ABCG1: variants seen among roughly 807,000 people sequenced by gnomAD.
The protein encoded by ABCG1 is ATP-binding cassette sub-family G member 1.
ABCG1 carries 29 observed loss-of-function variants against 69.2 expected under a neutral mutation model. That is an observed-to-expected ratio of 0.42 (90% CI 0.31 to 0.57). The LOEUF (loss-of-function observed/expected upper bound fraction) is 0.57, where lower values mean the gene tolerates loss of function less well. ABCG1 is among the 20% of genes least tolerant of loss of function. The pLI, the probability that ABCG1 is intolerant of heterozygous loss-of-function variation, is 0.15. For synonymous variants in ABCG1, 370 were observed against 374.8 expected, an observed-to-expected ratio of 0.99 and a Z score of 0.15; for missense variants, 718 against 898.1, an observed-to-expected ratio of 0.80 and a Z score of 2.56.
chr21:42,218,133 T>C (rs1324560089), upstream of ABCG1, among the ~76,000 whole-genome samples: 1 of 152,170 alleles, frequency 6.6e-6, no homozygotes, highest in Non-Finnish European at 1.5e-5. Context: ...CTGTGCCTCC[T>C]TTCTAGGTGA....
At chr21:42,208,684 G>A (rs1431904168) in intron 2 of ABCG1, among the ~76,000 whole-genome samples, 2 of 152,190 alleles carry the variant, frequency 1.3e-5, no homozygotes, top group African/African-American at 2.4e-5. Context: ...ACCTCAGGGA[G>A]CCTCCATTTT....
rs2067691088 is a variant in ABCG1, at chr21:42,219,753, G to A, written c.42+449G>A. 3.0e-6 allele frequency: 4 copies of A among 1,350,834 alleles called. No individual in the cohort carries two copies. The highest frequency in any genetic ancestry group is 3.0e-5 in the Admixed American group (1 of 32,934). 83.7% of individuals were successfully genotyped at this position (1,350,834 alleles called of 1,614,324 possible). A position where few individuals can be genotyped will look rare whatever the true frequency, so the allele number is the denominator to read the frequency against. On this transcript the variant is annotated intron_variant, in intron 1 of 14. Transcript: ENST00000398449. This position sits in a 1 kb window ranked among gnomAD's most constrained non-coding sequence, Gnocchi z 5.3. ...TGGGCTTGGGGACCGGGGACTTCTC[G>A]CGCCATCCCCAGGAACGCCAGGCAA...
At chr21:42,221,737 G>C (rs866077290) in intron 1 of ABCG1, among the ~76,000 whole-genome samples, 6 of 152,336 alleles carry the variant, frequency 3.9e-5, no homozygotes, top group African/African-American at 1.4e-4. Flanking sequence ...AGAGAAGACA[G>C]ACAGCTGCGT....
rs2068706840 is a variant in ABCG1, at chr21:42,276,187, T to C, written c.538-708T>C. ...GCCCGTCCTGTGCATGGTGATCTACTCTGGGTTTTCCCAAGCAGGGCCAGG... is the reference window on the plus strand; with the variant it reads ...GCCCGTCCTGTGCATGGTGATCTACCCTGGGTTTTCCCAAGCAGGGCCAGG... On this transcript the variant is annotated intron_variant, in intron 4 of 14. Coordinates refer to ENST00000398449, the MANE Select transcript of ABCG1 (RefSeq NM_016818.3). The surrounding 1 kb of genome is among the most constrained non-coding windows in gnomAD (Gnocchi z 5.3). Among the ~76,000 whole-genome samples, 1 of 152,116 alleles carries C rather than the reference T, an allele frequency of 6.6e-6. No homozygotes were observed. The highest frequency in any genetic ancestry group is 1.5e-5 in the Non-Finnish European group (1 of 68,040).
chr21:42,248,202 T>C (rs1303168022), intron 2 of ABCG1, among the ~76,000 whole-genome samples: 3 of 152,208 alleles, frequency 2.0e-5, no homozygotes, highest in Non-Finnish European at 4.4e-5. Context: ...ATGATCTCCG[T>C]CGTCATCTGA....
Position 42,219,681 on chromosome 21 carries a change from G to A in ABCG1, c.42+377G>A. 5 of 744,788 alleles carry A rather than the reference G, an allele frequency of 6.7e-6. No homozygotes were observed. The highest frequency in any genetic ancestry group is 1.0e-5 in the Non-Finnish European group (5 of 487,666). The allele number at this position is 744,788 out of a possible 1,614,324, so 46.1% of individuals were successfully genotyped here. ...CTGGGGAGGGGCCGCAGCTTGGGCC[G>A]GAGGGAAGAGGGGACTTGAAGAAGG... On this transcript the variant is annotated intron_variant, in intron 1 of 14. Coordinates refer to ENST00000398449, the MANE Select transcript of ABCG1 (RefSeq NM_016818.3). The surrounding 1 kb of genome is among the most constrained non-coding windows in gnomAD (Gnocchi z 5.3).
chr21:42,218,643 G>A (rs2067669273), upstream of ABCG1, among the ~76,000 whole-genome samples: 1 of 147,110 alleles, frequency 6.8e-6, no homozygotes, highest in African/African-American at 2.5e-5. Flanking sequence ...TGTTGGGGGC[G>A]TTGGAGTGGT....
In ABCG1 at chr21:42,291,031, T is replaced by A; in HGVS notation, c.1394-61T>A. On this transcript the variant is annotated intron_variant, in intron 11 of 14. Coordinates refer to ENST00000398449, the MANE Select transcript of ABCG1 (RefSeq NM_016818.3). This position sits in a 1 kb window ranked among gnomAD's most constrained non-coding sequence, Gnocchi z 6.4. ...CTCAGCTCAAGATCGCCTGTTGGGA[T>A]GTTAAACGGGCTCGCTGCACATGGT... 1 of 1,277,726 alleles carries A rather than the reference T, an allele frequency of 7.8e-7. No homozygotes were observed. Among genetic ancestry groups the A allele is most frequent in the Non-Finnish European group, 1.1e-6 (1 of 881,740 alleles). 79.1% of individuals were successfully genotyped at this position (1,277,726 alleles called of 1,614,324 possible). A position where few individuals can be genotyped will look rare whatever the true frequency, so the allele number is the denominator to read the frequency against.
chr21:42,203,342 T>TTA (rs2067521081), intron 2 of ABCG1, among the ~76,000 whole-genome samples: 1 of 152,240 alleles, frequency 6.6e-6, no homozygotes. Context: ...ATTTTTCATT[T>TTA]TATGGGTCAT....
Position 42,282,262 on chromosome 21 carries a change from T to C in ABCG1, c.589-12T>C, listed in dbSNP as rs773763439. The C allele has an allele frequency of 3.1e-6, 5 of 1,609,650 alleles. No individual in the cohort carries two copies. Among genetic ancestry groups the C allele is most frequent in the Non-Finnish European group, 8.5e-7 (1 of 1,178,832 alleles). On this transcript the variant is annotated splice_polypyrimidine_tract_variant and intron_variant, in intron 5 of 14. Coordinates refer to ENST00000398449, the MANE Select transcript of ABCG1 (RefSeq NM_016818.3). ...GGGCAGCTCCCAATGTCTCTCGTTCTGTTGCCCCCAGGTCAAGGAGATACT... is the reference window on the plus strand; with the variant it reads ...GGGCAGCTCCCAATGTCTCTCGTTCCGTTGCCCCCAGGTCAAGGAGATACT...
At chr21:42,247,997 C>A (rs1007553373) in intron 2 of ABCG1, among the ~76,000 whole-genome samples, 1 of 152,034 alleles carries the variant, frequency 6.6e-6, no homozygotes, top group Non-Finnish European at 1.5e-5. Context: ...AACGGTGAGA[C>A]GGCACATTTT....
Position 42,287,872 on chromosome 21 carries a change from G to A in ABCG1, c.974-17G>A, listed in dbSNP as rs756924140. 28 of 1,545,360 alleles carry A rather than the reference G, an allele frequency of 1.8e-5. No individual in the cohort carries two copies. Among genetic ancestry groups the A allele is most frequent in the African/African-American group, 5.5e-5 (4 of 72,560 alleles). On this transcript the variant is annotated splice_polypyrimidine_tract_variant and intron_variant, in intron 8 of 14. Coordinates refer to ENST00000398449, the MANE Select transcript of ABCG1 (RefSeq NM_016818.3). This position sits in a 1 kb window ranked among gnomAD's most constrained non-coding sequence, Gnocchi z 6.2. ...CTTCCTGGAGCCCGGGCTGACCCCC[G>A]TCTGTGTCTCCTGCAGTCATGGAGG...
chr21:42,296,563 G>T lies in ABCG1; in HGVS notation c.*171G>T, dbSNP rs988110590. On this transcript the variant is annotated 3_prime_UTR_variant, in exon 15 of 15. Coordinates refer to ENST00000398449, the MANE Select transcript of ABCG1 (RefSeq NM_016818.3). This position sits in a 1 kb window ranked among gnomAD's most constrained non-coding sequence, Gnocchi z 5.4. ...GTGCTCAGCCACTCTGCCCAGCTGG[G>T]TTGGATCTTCTCTCCATTCCCCTTT... is the stretch of plus-strand genomic sequence containing the variant. 4.9e-6 allele frequency: 3 copies of T among 615,032 alleles called. No individual in the cohort carries two copies. The Admixed American group carries it at 7.9e-5, about 16-fold the overall frequency. The allele number at this position is 615,032 out of a possible 1,614,324, so 38.1% of individuals were successfully genotyped here.
rs562975727 is a variant in ABCG1 at position 42,276,399 on chromosome 21, G to A, written c.538-496G>A. 1 of 155,812 alleles carries A rather than the reference G, an allele frequency of 6.4e-6. No individual in the cohort carries two copies. The highest frequency in any genetic ancestry group is 1.9e-4 in the East Asian group (1 of 5,252). The allele number at this position is 155,812 out of a possible 1,614,324, so 9.7% of individuals were successfully genotyped here. A position where few individuals can be genotyped will look rare whatever the true frequency, so the allele number is the denominator to read the frequency against. On this transcript the variant is annotated intron_variant, in intron 4 of 14. Coordinates refer to ENST00000398449, the MANE Select transcript of ABCG1 (RefSeq NM_016818.3). This position sits in a 1 kb window ranked among gnomAD's most constrained non-coding sequence, Gnocchi z 5.3. ...CGCACCACTGGTTCCGCCCAGGCTG[G>A]TCGCCAAGCCCCTGATGCCTGGGGC...
chr21:42,288,121 T>C lies in ABCG1; in HGVS notation c.1122+84T>C. 1.2e-6 allele frequency: 2 copies of C among 1,612,104 alleles called. No individual in the cohort carries two copies. The highest frequency in any genetic ancestry group is 8.5e-7 in the Non-Finnish European group (1 of 1,178,216). The stretch of plus-strand genomic sequence containing the variant: ...CTGGGGGAGGCTGCACGTGGCACCG[T>C]GCACTGCTGCATGAGAGCTCTTTCC... On this transcript the variant is annotated intron_variant, in intron 9 of 14. Transcript: ENST00000398449. The surrounding 1 kb of genome is among the most constrained non-coding windows in gnomAD (Gnocchi z 4.8).
At position 42,239,755 on chromosome 21, in the gene ABCG1, C is replaced by T. The variant is rs145165489; in HGVS notation, c.286+13841C>T. 1.7e-3 allele frequency among the ~76,000 whole-genome samples: 255 copies of T among 152,310 alleles called. 7 individuals carry two copies. The highest frequency in any genetic ancestry group is 3.2e-4 in the Non-Finnish European group (22 of 68,016). ...GACCCATGCTCCTAGAGCCAGCTTC[C>T]GGTTGGGGCAGAAGACCGTCCGGGG... On this transcript the variant is annotated intron_variant, in intron 2 of 14. Coordinates refer to ENST00000398449, the MANE Select transcript of ABCG1 (RefSeq NM_016818.3).
chr21:42,216,072 T>C (rs752623796), upstream of ABCG1: 2 of 437,780 alleles, frequency 4.6e-6, no homozygotes, highest in Non-Finnish European at 9.1e-6. Flanking sequence ...TCATGAGATC[T>C]GATGGCTTTA....
At chr21:42,274,472 G>A (rs2068673872) in intron 4 of ABCG1, among the ~76,000 whole-genome samples, 1 of 131,924 alleles carries the variant, frequency 7.6e-6, no homozygotes, top group Admixed American at 7.6e-5. Context: ...GGGTTTCCAG[G>A]GCCTTTTTTT....
intron 2 of ABCG1, among the ~76,000 whole-genome samples, chr21:42,205,480 T>A (rs2067535970): frequency 1.3e-5 from 2 of 152,050 alleles, no homozygotes; most frequent in Admixed American, 1.3e-4. Context: ...GCACCTGTAA[T>A]CCCAGCTACT....
Sources: gnomAD v4.1 joint callset for allele counts (sites outside exome capture counted in the v4.1 genomes callset) on GRCh38, gnomAD v4.1.1 for gene constraint, Gnocchi (gnomAD v3.1) non-coding constraint, MANE v1.5 for transcripts, NCBI Gene and HGNC (gene_info 2026-07-23, HGNC 2026-07-21) for gene names.